Variants in LAMA2 observed in about 807,000 individuals in gnomAD.
LAMA2 encodes the protein laminin subunit alpha-2.
Under a neutral mutation model 364.8 loss-of-function variants are expected in LAMA2, and 269 were observed. The ratio of observed to expected loss-of-function variants is 0.74; its 90% CI spans 0.67 to 0.82. The LOEUF is 0.82. Among genes scored for constraint, LAMA2 ranks in the 40% least tolerant of loss-of-function variants. LAMA2 has a pLI of 0.00. For missense variants in LAMA2, 3,807 were observed against 3,873.2 expected, an observed-to-expected ratio of 0.98 and a Z score of 0.45; for synonymous variants, 1,379 against 1,370.6, an observed-to-expected ratio of 1.01 and a Z score of -0.14.
intron 28 of LAMA2, among the ~76,000 whole-genome samples, chr6:129,322,476 G>C (rs768789247): frequency 6.6e-6 from 1 of 152,128 alleles, no homozygotes; most frequent in Non-Finnish European, 1.5e-5. Flanking sequence ...TTTATCCCAG[G>C]TAGCGTTTGG....
intron 18 of LAMA2, among the ~76,000 whole-genome samples, chr6:129,283,780 C>A (rs1410237916): frequency 6.6e-6 from 1 of 151,952 alleles, no homozygotes; most frequent in Non-Finnish European, 1.5e-5. Flanking sequence ...AATCACCCCT[C>A]TGCTTACTAT....
intron 21 of LAMA2, 32 bp from the exon 22 acceptor site, chr6:129,300,704 C>T: frequency 6.2e-7 from 1 of 1,611,820 alleles, no homozygotes; most frequent in Non-Finnish European, 8.5e-7. Context: ...CTATTTTTCC[C>T]CTTCTTTGTT....
chr6:129,499,101 A>T (rs1785424421), intron 58 of LAMA2, among the ~76,000 whole-genome samples: 1 of 152,118 alleles, frequency 6.6e-6, no homozygotes, highest in African/African-American at 2.4e-5. Flanking sequence ...CTGTCTGCCT[A>T]CAACTTGTAA....
chr6:129,158,208 A>G, intron 8 of LAMA2: 3 of 1,613,726 alleles, frequency 1.9e-6, no homozygotes, highest in Non-Finnish European at 2.5e-6. Context: ...AATCAAATAG[A>G]GCTGAGTCCA....
At chr6:129,131,077 C>A (rs1036894378) in intron 4 of LAMA2, among the ~76,000 whole-genome samples, 1 of 152,142 alleles carries the variant, frequency 6.6e-6, no homozygotes, top group African/African-American at 2.4e-5. Flanking sequence ...ATTATAAATT[C>A]TTCTGGGAAA....
At chr6:129,038,611 A>T (rs76207272) in intron 1 of LAMA2, among the ~76,000 whole-genome samples, 2,341 of 152,266 alleles carry the variant, frequency 0.015, 74 homozygotes, top group African/African-American at 0.053. Context: ...CTCTGATATG[A>T]CTATCTCTAC....
chr6:129,172,842 C>T (rs1035854440), intron 9 of LAMA2, among the ~76,000 whole-genome samples: 5 of 152,244 alleles, frequency 3.3e-5, no homozygotes, highest in East Asian at 1.9e-4. Context: ...GGCGTAGGAC[C>T]CTCCAAGCCA....
intron 3 of LAMA2, among the ~76,000 whole-genome samples, chr6:129,085,122 C>T (rs1774300469): frequency 4.6e-5 from 7 of 152,314 alleles, no homozygotes; most frequent in Admixed American, 4.6e-4. Context: ...TGGTGAAATA[C>T]TACTTCTGTT....
At chr6:129,231,252 G>T (rs1784651868) in intron 12 of LAMA2, among the ~76,000 whole-genome samples, 1 of 152,014 alleles carries the variant, frequency 6.6e-6, no homozygotes, top group Admixed American at 6.6e-5. Flanking sequence ...AGAAGGCATA[G>T]GTTATTATTT....
Position 129,288,058 on chromosome 6 carries a change from C to G in LAMA2, c.2749C>G (p.Pro917Ala). ...GDAVDAKNCQ[P>A]CRCNAGGSFS... ...TGCAGTTGATGCGAAGAACTGTCAG[C>G]GTAAGTCCTGAACTATTGATGCCCC... The change falls in exon 19 of 65, where the codon CCC becomes GCC. Residue 917 changes from proline to alanine, a missense_variant and splice_region_variant. Coordinates refer to ENST00000421865, the MANE Select transcript of LAMA2 (RefSeq NM_000426.4). 1 of 1,612,682 alleles carries G rather than the reference C, an allele frequency of 6.2e-7. No individual in the cohort carries two copies. The highest frequency in any genetic ancestry group is 1.7e-5 in the Admixed American group (1 of 60,000).
intron 22 of LAMA2, among the ~76,000 whole-genome samples, chr6:129,308,522 T>A (rs972348679): frequency 5.3e-5 from 8 of 152,208 alleles, no homozygotes; most frequent in Non-Finnish European, 1.2e-4. Context: ...TTTTTACTGA[T>A]CATTAGATAA....
intron 12 of LAMA2, among the ~76,000 whole-genome samples, chr6:129,237,258 T>C (rs1002218783): frequency 1.3e-5 from 2 of 152,230 alleles, no homozygotes; most frequent in African/African-American, 4.8e-5. Context: ...ACATGTTTAA[T>C]TGCAACCCCT....
chr6:128,902,910 A>C (rs927903019), intron 1 of LAMA2, among the ~76,000 whole-genome samples: 1 of 152,188 alleles, frequency 6.6e-6, no homozygotes, highest in African/African-American at 2.4e-5. Context: ...TGTTTAAAAT[A>C]ATTCTTACTC....
chr6:129,386,255 C>T (rs574322076), intron 35 of LAMA2, among the ~76,000 whole-genome samples: 65 of 152,072 alleles, frequency 4.3e-4, no homozygotes, highest in African/African-American at 1.5e-3. Flanking sequence ...AGTGATAGTG[C>T]ATACTTTTGA....
At chr6:129,384,498 A>G (rs920186244) in intron 35 of LAMA2, among the ~76,000 whole-genome samples, 1 of 152,204 alleles carries the variant, frequency 6.6e-6, no homozygotes, top group Non-Finnish European at 1.5e-5. Flanking sequence ...AAATGCTAGC[A>G]TATGTTTTAG....
intron 1 of LAMA2, among the ~76,000 whole-genome samples, chr6:128,988,776 G>A (rs1783428044): frequency 6.6e-6 from 1 of 152,114 alleles, no homozygotes; most frequent in Admixed American, 6.6e-5. Context: ...TAAAACTGAA[G>A]CATTTAATTT....
chr6:129,051,649 A>G (rs898638235), intron 2 of LAMA2, among the ~76,000 whole-genome samples: 16 of 147,586 alleles, frequency 1.1e-4, no homozygotes, highest in Admixed American at 9.4e-4. Flanking sequence ...AGAGAGATAT[A>G]TTTTACATAT....
At chr6:129,260,066 A>T (rs1306471819) in intron 14 of LAMA2, among the ~76,000 whole-genome samples, 1 of 152,150 alleles carries the variant, frequency 6.6e-6, no homozygotes. Context: ...GAGTTATGCC[A>T]AATCACTCTG....
chr6:129,215,813 C>T (rs771161825), intron 12 of LAMA2, among the ~76,000 whole-genome samples: 3 of 152,076 alleles, frequency 2.0e-5, no homozygotes, highest in Non-Finnish European at 2.9e-5. Flanking sequence ...TTCTTAACCC[C>T]CTTGCTTTCC....
Sources: allele counts gnomAD v4.1 joint callset (sites outside exome capture counted in the v4.1 genomes callset), GRCh38; gene constraint gnomAD v4.1.1; transcripts MANE v1.5; gene names NCBI Gene and HGNC (gene_info 2026-07-23, HGNC 2026-07-21).